The following PKHD1 variants were observed in gnomAD, a reference collection of about 807,000 sequenced individuals.
PKHD1 encodes the protein fibrocystin.
PKHD1 carries 291 observed loss-of-function variants against 412.0 expected under a neutral mutation model. That is an observed-to-expected ratio of 0.71 (90% CI 0.64 to 0.78). The LOEUF is 0.78. Ranked by LOEUF, PKHD1 falls within the 30% of genes least tolerant of loss-of-function variation. The probability of loss-of-function intolerance (pLI) is 0.00; values close to 1 mark genes in which losing one functional copy is unlikely to be tolerated. For synonymous variants in PKHD1, 1,777 were observed against 1,821.5 expected, an observed-to-expected ratio of 0.98 and a Z score of 0.62; for missense variants, 4,825 against 4,950.7, an observed-to-expected ratio of 0.97 and a Z score of 0.76.
At chr6:51,883,365 G>A in intron 45 of PKHD1, 138 bp from the exon 46 acceptor site, 1 of 757,878 alleles carries the variant, frequency 1.3e-6, no homozygotes, top group South Asian at 1.6e-5. Flanking sequence ...ATCAATGTCA[G>A]TATAGGCATC....
chr6:51,792,954 C>T (rs1287286286), intron 52 of PKHD1, among the ~76,000 whole-genome samples: 2 of 152,176 alleles, frequency 1.3e-5, no homozygotes, highest in African/African-American at 4.8e-5. Flanking sequence ...TGGGCTGGTC[C>T]TCAGTGTGAT....
At chr6:51,968,979 C>A (rs1793256986) in intron 35 of PKHD1, among the ~76,000 whole-genome samples, 1 of 152,160 alleles carries the variant, frequency 6.6e-6, no homozygotes, top group African/African-American at 2.4e-5. Flanking sequence ...GATGGGCTAT[C>A]ACTCCCATGA....
Position 51,847,917 on chromosome 6 carries a change from G to C in PKHD1, c.7965C>G (p.His2655Gln), listed in dbSNP as rs1771499713. The C allele has an allele frequency of 6.2e-7, 1 of 1,613,982 alleles. No homozygotes were observed. Among genetic ancestry groups the C allele is most frequent in the Non-Finnish European group, 8.5e-7 (1 of 1,179,890 alleles). The change falls in exon 50 of 67, where the codon CAC becomes CAG. Residue 2655 changes from histidine (H) to glutamine (Q), a missense_variant. By Grantham distance (24) the His-to-Gln change is conservative. Coordinates refer to ENST00000371117, the MANE Select transcript of PKHD1 (RefSeq NM_138694.4). The stretch of plus-strand genomic sequence containing the variant: ...TGTCAGGGTAAGGCGGCAAATCTGT[G>C]TGCACCAGCAGTAGGTAATTACCAG... ...FAPGNYLLLV[H>Q]TDLPPYPDIL... is the part of the protein sequence containing the mutation.
chr6:51,642,257 G>A (rs996079018), intron 63 of PKHD1, among the ~76,000 whole-genome samples: 5 of 152,104 alleles, frequency 3.3e-5, no homozygotes, highest in Admixed American at 3.3e-4. Flanking sequence ...ATGGGGAATA[G>A]GTAAGGCATG....
chr6:52,038,255 C>T (rs1317007937), intron 27 of PKHD1, among the ~76,000 whole-genome samples: 1 of 151,944 alleles, frequency 6.6e-6, no homozygotes, highest in East Asian at 1.9e-4. Context: ...GTGGCTTGTA[C>T]CTGTAGTCCC....
At chr6:51,723,497 T>C (rs1235761925) in intron 60 of PKHD1, among the ~76,000 whole-genome samples, 3 of 152,278 alleles carry the variant, frequency 2.0e-5, no homozygotes, top group South Asian at 2.1e-4. Flanking sequence ...CATAAGACTA[T>C]TGACTATTGA....
intron 34 of PKHD1, 84 bp downstream of exon 34, chr6:52,017,326 C>A: frequency 9.9e-7 from 1 of 1,012,086 alleles, no homozygotes; most frequent in Admixed American, 1.7e-5. Flanking sequence ...GCCACATCCA[C>A]CCAGCCTACA....
intron 51 of PKHD1, among the ~76,000 whole-genome samples, chr6:51,833,770 G>A (rs1328975053): frequency 6.6e-6 from 1 of 152,168 alleles, no homozygotes; most frequent in Non-Finnish European, 1.5e-5. Context: ...GAATGCACTG[G>A]AGGTAAGGAA....
chr6:51,709,984 G>A (rs370941695), intron 60 of PKHD1, among the ~76,000 whole-genome samples: 39 of 152,024 alleles, frequency 2.6e-4, no homozygotes, highest in East Asian at 9.7e-4. Flanking sequence ...CGAGGAGGGC[G>A]GATCACCTGA....
At chr6:51,791,153 T>A (rs748809724) in intron 53 of PKHD1, 83 bp downstream of exon 53, 5 of 1,395,746 alleles carry the variant, frequency 3.6e-6, no homozygotes, top group Non-Finnish European at 1.0e-6. Flanking sequence ...AGCAACCTGC[T>A]TGATGATACC....
intron 43 of PKHD1, among the ~76,000 whole-genome samples, chr6:51,893,025 T>A (rs553615172): frequency 1.8e-4 from 28 of 152,270 alleles, no homozygotes; most frequent in Admixed American, 1.0e-3. Flanking sequence ...TGTCTCTCTA[T>A]ATCCACGAGC....
At chr6:51,641,272 A>C (rs927125116) in intron 63 of PKHD1, among the ~76,000 whole-genome samples, 4 of 152,222 alleles carry the variant, frequency 2.6e-5, no homozygotes, top group Admixed American at 1.3e-4. Context: ...TCTCTTAAAA[A>C]AGGTAATAGT....
chr6:51,881,770 T>C (rs1303735312), intron 46 of PKHD1, among the ~76,000 whole-genome samples: 1 of 152,308 alleles, frequency 6.6e-6, no homozygotes, highest in African/African-American at 2.4e-5. Context: ...TAGGTAATAG[T>C]TGGCTCTTTA....
chr6:51,856,337 T>C (rs1773308997), intron 48 of PKHD1, among the ~76,000 whole-genome samples: 2 of 152,142 alleles, frequency 1.3e-5, no homozygotes, highest in Non-Finnish European at 2.9e-5. Flanking sequence ...ATTTTGTTTG[T>C]TTTTTGTTTT....
chr6:52,009,888 A>G (rs1004316347), intron 35 of PKHD1, among the ~76,000 whole-genome samples: 2 of 152,126 alleles, frequency 1.3e-5, no homozygotes, highest in South Asian at 4.1e-4. Context: ...TGGCACAGAG[A>G]TGAACCGAAT....
intron 52 of PKHD1, among the ~76,000 whole-genome samples, chr6:51,793,303 T>C (rs556716215): frequency 1.5e-4 from 23 of 152,358 alleles, no homozygotes; most frequent in African/African-American, 5.5e-4. Flanking sequence ...GAAGCAAAAT[T>C]TGTAAAAACA....
chr6:51,854,530 G>A (rs1300919713), intron 49 of PKHD1, among the ~76,000 whole-genome samples: 5 of 152,204 alleles, frequency 3.3e-5, no homozygotes, highest in Non-Finnish European at 5.9e-5. Flanking sequence ...CAGGAGGACA[G>A]GCCAAGTCTG....
At chr6:51,941,759 A>C (rs1788616913) in intron 36 of PKHD1, among the ~76,000 whole-genome samples, 1 of 151,506 alleles carries the variant, frequency 6.6e-6, no homozygotes, top group Non-Finnish European at 1.5e-5. Context: ...TCTGGATCTC[A>C]AACATGCTTT....
At chr6:51,863,898 T>A (rs952183340) in intron 48 of PKHD1, among the ~76,000 whole-genome samples, 1 of 152,136 alleles carries the variant, frequency 6.6e-6, no homozygotes, top group Non-Finnish European at 1.5e-5. Context: ...TGAGTTGCTA[T>A]GTGTTAAACA....
Sources: gnomAD v4.1 joint callset for allele counts (sites outside exome capture counted in the v4.1 genomes callset) on GRCh38, gnomAD v4.1.1 for gene constraint, MANE v1.5 for transcripts, NCBI Gene and HGNC (gene_info 2026-07-23, HGNC 2026-07-21) for gene names.